Variants in CDK19 observed in about 807,000 individuals in gnomAD.
CDK19 encodes cyclin-dependent kinase 19.
In CDK19, 20 loss-of-function variants were observed where a neutral mutation model predicts 68.3. The observed-to-expected ratio is 0.29, with a 90% confidence interval of 0.21 to 0.43. The LOEUF (loss-of-function observed/expected upper bound fraction) is 0.43. CDK19 is among the 20% of genes least tolerant of loss of function. The probability of loss-of-function intolerance (pLI) is 1.00; values close to 1 mark genes in which losing one functional copy is unlikely to be tolerated. For missense variants in CDK19, 339 were observed against 623.5 expected, an observed-to-expected ratio of 0.54 and a Z score of 4.86; for synonymous variants, 221 against 222.8, an observed-to-expected ratio of 0.99 and a Z score of 0.07.
At chr6:110,646,472 G>A in intron 4 of CDK19, 1 of 1,479,498 alleles carries the variant, frequency 6.8e-7, no homozygotes, top group Non-Finnish European at 9.0e-7. Context: ...GGCCCAGAAG[G>A]CGGAGCCCAG....
chr6:110,711,220 G>C (rs896518090), intron 2 of CDK19, among the ~76,000 whole-genome samples: 3 of 152,158 alleles, frequency 2.0e-5, no homozygotes, highest in Non-Finnish European at 4.4e-5. Flanking sequence ...ATATTTCTTT[G>C]TTAAGAATGG....
At chr6:110,709,916 T>G (rs564448541) in intron 2 of CDK19, among the ~76,000 whole-genome samples, 1 of 152,194 alleles carries the variant, frequency 6.6e-6, no homozygotes, top group African/African-American at 2.4e-5. Flanking sequence ...TAGTGACACA[T>G]CTGAATATCA....
At chr6:110,699,335 G>C (rs561291904) in intron 2 of CDK19, among the ~76,000 whole-genome samples, 11 of 150,138 alleles carry the variant, frequency 7.3e-5, no homozygotes, top group African/African-American at 2.7e-4. Context: ...CGAGGCAGGA[G>C]AACTGCTTGA....
intron 1 of CDK19, among the ~76,000 whole-genome samples, chr6:110,812,100 C>A (rs1399272588): frequency 6.7e-6 from 1 of 150,276 alleles, no homozygotes; most frequent in Non-Finnish European, 1.5e-5. Context: ...TCTCTTCCTG[C>A]AAAACAAAAA....
chr6:110,756,366 GGAGACAGAGC>G (rs1402321683), intron 1 of CDK19, among the ~76,000 whole-genome samples: 1 of 151,468 alleles, frequency 6.6e-6, no homozygotes, highest in East Asian at 1.9e-4. Context: ...TTCCAGCCTG[GGAGACAGAGC>G]GAGACTCTGT....
chr6:110,655,339 C>T (rs1287400879), intron 4 of CDK19, among the ~76,000 whole-genome samples: 1 of 151,184 alleles, frequency 6.6e-6, no homozygotes, highest in Admixed American at 6.6e-5. Context: ...GCACTCTAGC[C>T]TGGGCAACAG....
At chr6:110,774,660 A>C (rs935899646) in intron 1 of CDK19, among the ~76,000 whole-genome samples, 1 of 152,246 alleles carries the variant, frequency 6.6e-6, no homozygotes, top group Non-Finnish European at 1.5e-5. Flanking sequence ...AATATAAAAC[A>C]AATTAAAGGC....
intron 12 of CDK19, among the ~76,000 whole-genome samples, chr6:110,615,924 T>G (rs1397708651): frequency 6.6e-6 from 1 of 152,166 alleles, no homozygotes; most frequent in Non-Finnish European, 1.5e-5. Context: ...CTGAGACTCA[T>G]GACTCAACCA....
chr6:110,805,495 C>T (rs1388226576), intron 1 of CDK19, among the ~76,000 whole-genome samples: 1 of 151,838 alleles, frequency 6.6e-6, no homozygotes, highest in Non-Finnish European at 1.5e-5. Context: ...AATAGATGTC[C>T]CTCAGTATAC....
chr6:110,720,902 A>G (rs1466598250), intron 2 of CDK19, among the ~76,000 whole-genome samples: 1 of 151,600 alleles, frequency 6.6e-6, no homozygotes, highest in African/African-American at 2.4e-5. Flanking sequence ...ATTTGGTTAC[A>G]TGCTATACAC....
chr6:110,628,609 C>T (rs767007046), intron 6 of CDK19, among the ~76,000 whole-genome samples: 8 of 152,258 alleles, frequency 5.3e-5, no homozygotes, highest in South Asian at 2.1e-4. Context: ...ATACAGGGTT[C>T]GGTGCTATCT....
rs1278701783 is a variant in CDK19, at chr6:110,709,003, T to C, written c.204+37123A>G. Among the ~76,000 whole-genome samples, 12 of 152,194 alleles carry C rather than the reference T, an allele frequency of 7.9e-5. No individual in the cohort carries two copies. The East Asian group carries it at 2.1e-3, about 27-fold the overall frequency. The stretch of plus-strand genomic sequence containing the variant: ...ACCATGATCAAGTCGGCTTCATCCT[T>C]GGGATGCAAGGCTGGTTCAACATAC... On this transcript the variant is annotated intron_variant, in intron 2 of 12. Coordinates refer to ENST00000368911, the MANE Select transcript of CDK19 (RefSeq NM_015076.5).
chr6:110,668,400 T>C (rs762501971), intron 3 of CDK19, among the ~76,000 whole-genome samples: 2 of 152,244 alleles, frequency 1.3e-5, no homozygotes, highest in Non-Finnish European at 2.9e-5. Flanking sequence ...TACAGCTTTT[T>C]TATTTTTATA....
intron 2 of CDK19, among the ~76,000 whole-genome samples, chr6:110,740,440 G>A (rs1267690693): frequency 6.6e-6 from 1 of 152,138 alleles, no homozygotes; most frequent in Non-Finnish European, 1.5e-5. Context: ...ACTGTACAAA[G>A]GTATGAGGTT....
chr6:110,715,123 T>A (rs747496884), intron 2 of CDK19, among the ~76,000 whole-genome samples: 55 of 152,286 alleles, frequency 3.6e-4, no homozygotes, highest in Non-Finnish European at 2.9e-4. Context: ...GCAATCACCT[T>A]TTCTTGAATT....
At chr6:110,709,575 T>A (rs1164936427) in intron 2 of CDK19, among the ~76,000 whole-genome samples, 1 of 151,884 alleles carries the variant, frequency 6.6e-6, no homozygotes, top group Non-Finnish European at 1.5e-5. Flanking sequence ...AATAGCAAAC[T>A]GTTACAAATT....
At chr6:110,752,451 A>G (rs1312490391) in intron 1 of CDK19, among the ~76,000 whole-genome samples, 1 of 152,208 alleles carries the variant, frequency 6.6e-6, no homozygotes, top group Admixed American at 6.5e-5. Flanking sequence ...AAATCTTCCA[A>G]CATAAGGTAC....
intron 1 of CDK19, among the ~76,000 whole-genome samples, chr6:110,794,526 C>T (rs752564837): frequency 6.6e-6 from 1 of 151,618 alleles, no homozygotes; most frequent in Non-Finnish European, 1.5e-5. Flanking sequence ...CTCAGCCTCC[C>T]GAGTAGCTGG....
intron 1 of CDK19, among the ~76,000 whole-genome samples, chr6:110,804,130 CTA>C (rs1782516248): frequency 6.6e-6 from 1 of 152,082 alleles, no homozygotes; most frequent in South Asian, 2.1e-4. Flanking sequence ...AGGTTTTGTT[CTA>C]TAACTACAGA....
Sources: allele counts gnomAD v4.1 joint callset (sites outside exome capture counted in the v4.1 genomes callset), GRCh38; gene constraint gnomAD v4.1.1; transcripts MANE v1.5; gene names NCBI Gene and HGNC (gene_info 2026-07-23, HGNC 2026-07-21).